Variants in PRKG1 observed in about 807,000 individuals in gnomAD.
PRKG1 encodes protein kinase cGMP-dependent 1.
In PRKG1, 35 loss-of-function variants were observed where a neutral mutation model predicts 88.1. The observed-to-expected ratio is 0.40, with a 90% CI of 0.30 to 0.53. The LOEUF is 0.53. Ranked by LOEUF, PRKG1 falls within the 20% of genes least tolerant of loss-of-function variation. PRKG1 has a pLI of 0.59. For synonymous variants in PRKG1, 303 were observed against 292.5 expected (o/e 1.04, Z -0.37); for missense variants, 540 against 839.8 (o/e 0.64, Z 4.41).
At chr10:51,549,120 C>CTTTTTATTTTTTTTTTTTTTTTTTTTTTT (rs1842515536) in intron 3 of PRKG1, among the ~76,000 whole-genome samples, 1 of 70,326 alleles carries the variant, frequency 1.4e-5, no homozygotes, top group African/African-American at 5.6e-5. Context: ...CTTTTCTTTT[C>CTTTTTATTTTTTTTTTTTTTTTTTTTTTT]TTTTTTTTTT....
At chr10:52,258,691 A>G (rs1308331951) in intron 10 of PRKG1, among the ~76,000 whole-genome samples, 1 of 152,128 alleles carries the variant, frequency 6.6e-6, no homozygotes, top group Non-Finnish European at 1.5e-5. Context: ...AATATCTGAC[A>G]TGATTCCTGC....
chr10:52,178,347 A>G (rs1838921388), intron 9 of PRKG1, among the ~76,000 whole-genome samples: 1 of 151,892 alleles, frequency 6.6e-6, no homozygotes, highest in South Asian at 2.1e-4. Flanking sequence ...TTATAATTTT[A>G]CTCCATGTGG....
intron 1 of PRKG1, among the ~76,000 whole-genome samples, chr10:51,090,858 G>A (rs1052646162): frequency 6.6e-6 from 1 of 152,164 alleles, no homozygotes; most frequent in Non-Finnish European, 1.5e-5. Flanking sequence ...TTGTTGAAAT[G>A]TTTGCATAGA....
chr10:51,348,860 G>C (rs996047145), intron 2 of PRKG1, among the ~76,000 whole-genome samples: 2 of 152,160 alleles, frequency 1.3e-5, no homozygotes, highest in African/African-American at 4.8e-5. Context: ...ATTTGTGTAG[G>C]GGTTTCTGAG....
chr10:51,310,965 T>G (rs866638595), intron 2 of PRKG1, among the ~76,000 whole-genome samples: 1 of 152,136 alleles, frequency 6.6e-6, no homozygotes, highest in Non-Finnish European at 1.5e-5. Flanking sequence ...GTATAGGTGT[T>G]AGGTTAGGTT....
intron 9 of PRKG1, among the ~76,000 whole-genome samples, chr10:52,244,756 TAA>T (rs1840966228): frequency 6.9e-6 from 1 of 143,888 alleles, no homozygotes; most frequent in East Asian, 2.0e-4. Context: ...AAATATATAT[TAA>T]GATATATTTA....
intron 2 of PRKG1, among the ~76,000 whole-genome samples, chr10:51,302,092 C>T (rs1333157750): frequency 2.0e-5 from 3 of 152,184 alleles, no homozygotes; most frequent in Non-Finnish European, 4.4e-5. Flanking sequence ...TCCATTTAGT[C>T]TGTAAATCCA....
intron 8 of PRKG1, among the ~76,000 whole-genome samples, chr10:52,146,422 C>T (rs529482287): frequency 6.6e-6 from 1 of 152,186 alleles, no homozygotes; most frequent in South Asian, 2.1e-4. Flanking sequence ...TTAATATATA[C>T]ACATAGATGC....
intron 5 of PRKG1, among the ~76,000 whole-genome samples, chr10:52,025,264 C>A (rs1413847301): frequency 1.3e-5 from 2 of 152,084 alleles, no homozygotes; most frequent in Non-Finnish European, 2.9e-5. Context: ...AATTTTCTCC[C>A]ATTCTGTAGG....
At chr10:51,800,298 A>G (rs1242112705) in intron 3 of PRKG1, among the ~76,000 whole-genome samples, 2 of 152,082 alleles carry the variant, frequency 1.3e-5, no homozygotes, top group Non-Finnish European at 2.9e-5. Flanking sequence ...GACTATTGTA[A>G]CAAATACAGA....
intron 5 of PRKG1, among the ~76,000 whole-genome samples, chr10:52,040,837 T>C (rs962247731): frequency 9.1e-5 from 13 of 142,188 alleles, no homozygotes; most frequent in East Asian, 8.0e-4. Context: ...CTTTTCTTTT[T>C]TTTTTTTTTT....
chr10:52,060,146 GA>G (rs1299827298), intron 6 of PRKG1, among the ~76,000 whole-genome samples: 1 of 151,794 alleles, frequency 6.6e-6, no homozygotes, highest in East Asian at 1.9e-4. Flanking sequence ...TGATAATATG[GA>G]AACTTGATTT....
intron 3 of PRKG1, among the ~76,000 whole-genome samples, chr10:51,724,793 C>T (rs1842092023): frequency 6.6e-6 from 1 of 151,644 alleles, no homozygotes; most frequent in South Asian, 2.1e-4. Context: ...TTCCTGGGCT[C>T]TCAATCCGTC....
intron 2 of PRKG1, among the ~76,000 whole-genome samples, chr10:51,271,633 A>G (rs986301176): frequency 1.3e-5 from 2 of 152,206 alleles, no homozygotes; most frequent in Non-Finnish European, 2.9e-5. Flanking sequence ...GTGATTGGGA[A>G]AATCTGAATA....
chr10:51,078,588 TTA>T (rs1427848870), intron 1 of PRKG1, among the ~76,000 whole-genome samples: 3 of 128,974 alleles, frequency 2.3e-5, no homozygotes, highest in Non-Finnish European at 4.8e-5. Context: ...AAATATTTAT[TTA>T]TATTTATTTA....
chr10:51,932,680 G>A (rs1310447514), intron 5 of PRKG1, among the ~76,000 whole-genome samples: 1 of 152,142 alleles, frequency 6.6e-6, no homozygotes, highest in African/African-American at 2.4e-5. Flanking sequence ...CAGGACATTT[G>A]GCCAGGGCAG....
intron 1 of PRKG1, among the ~76,000 whole-genome samples, chr10:51,122,515 A>T (rs1261679600): frequency 1.3e-5 from 2 of 152,192 alleles, no homozygotes; most frequent in African/African-American, 4.8e-5. Context: ...CGTGTGATTA[A>T]GATTTGGTCT....
At chr10:51,591,198 CAT>C (rs747726599) in intron 3 of PRKG1, among the ~76,000 whole-genome samples, 3 of 151,982 alleles carry the variant, frequency 2.0e-5, no homozygotes, top group South Asian at 2.1e-4. Flanking sequence ...CATGCATACA[CAT>C]GTGTATGAAA....
rs774905663 is a variant in PRKG1, at chr10:52,161,882, C to G, written c.1002-7C>G. On this transcript the variant is annotated splice_region_variant and splice_polypyrimidine_tract_variant and intron_variant, in intron 8 of 17. Coordinates refer to ENST00000373980, the MANE Select transcript of PRKG1 (RefSeq NM_006258.4). ...AGATTAATCACTGTGCTTTTTTCGTCTGACAGCTCTTTTAAACATTTGATT... is the reference window on the plus strand; with the variant it reads ...AGATTAATCACTGTGCTTTTTTCGTGTGACAGCTCTTTTAAACATTTGATT... 5 of 1,611,156 alleles carry G rather than the reference C, an allele frequency of 3.1e-6. No individual in the cohort carries two copies. In the South Asian group the frequency reaches 3.3e-5, roughly 11 times the overall value.
Sources: gnomAD v4.1 joint callset for allele counts (sites outside exome capture counted in the v4.1 genomes callset) on GRCh38, gnomAD v4.1.1 for gene constraint, MANE v1.5 for transcripts, NCBI Gene and HGNC (gene_info 2026-07-23, HGNC 2026-07-21) for gene names.